The following CARMIL1 variants were observed in gnomAD, a reference collection of about 807,000 sequenced individuals.
CARMIL1 encodes capping protein regulator and myosin 1 linker 1, also known as F-actin-uncapping protein LRRC16A.
CARMIL1 carries 90 observed loss-of-function variants against 177.1 expected under a neutral mutation model. The observed-to-expected ratio is 0.51, with a 90% confidence interval of 0.43 to 0.61. The LOEUF (loss-of-function observed/expected upper bound fraction) is 0.61, where lower values mean the gene tolerates loss of function less well. CARMIL1 is among the 20% of genes least tolerant of loss of function. The pLI is 0.00. For synonymous variants in CARMIL1, 577 were observed against 606.2 expected, an observed-to-expected ratio of 0.95 and a Z score of 0.71; for missense variants, 1,380 against 1,667.0, an observed-to-expected ratio of 0.83 and a Z score of 3.00.
chr6:25,288,642 G>A (rs1781707606), intron 2 of CARMIL1, among the ~76,000 whole-genome samples: 1 of 152,160 alleles, frequency 6.6e-6, no homozygotes, highest in South Asian at 2.1e-4. Flanking sequence ...GGAACAAAGG[G>A]GTCCTGCATT....
intron 2 of CARMIL1, among the ~76,000 whole-genome samples, chr6:25,285,631 T>TATTTTG (rs1432801228): frequency 1.3e-5 from 2 of 150,794 alleles, no homozygotes; most frequent in Non-Finnish European, 2.9e-5. Context: ...GTGGAAAGAA[T>TATTTTG]ATTTTGATGG....
Position 25,455,321 on chromosome 6 carries a change from G to A in CARMIL1, c.614+4610G>A, listed in dbSNP as rs6910559. On this transcript the variant is annotated intron_variant, in intron 8 of 36. Coordinates refer to ENST00000329474, the MANE Select transcript of CARMIL1 (RefSeq NM_017640.6). ...TTATTTTTTCATTCCACTTTTTCTC[G>A]CCGTTATATTTAGTCTTCATACTTA... Among the ~76,000 whole-genome samples, 934 of 151,906 alleles carry A rather than the reference G, an allele frequency of 6.1e-3. 15 individuals are homozygous for A. The highest frequency in any genetic ancestry group is 0.021 in the African/African-American group (874 of 41,388).
In CARMIL1 at chr6:25,554,579, TAAA is replaced by T. The variant is rs571237418; in HGVS notation, c.2592+491_2592+493del. Among the ~76,000 whole-genome samples, 1 of 150,704 alleles carries T rather than the reference TAAA, an allele frequency of 6.6e-6. No individual in the cohort carries two copies. The highest frequency in any genetic ancestry group is 1.5e-5 in the Non-Finnish European group (1 of 67,600). On this transcript the variant is annotated intron_variant, in intron 28 of 36. Coordinates refer to ENST00000329474, the MANE Select transcript of CARMIL1 (RefSeq NM_017640.6). This position sits in a 1 kb window ranked among gnomAD's most constrained non-coding sequence, Gnocchi z 4.6. ...ACAGGTGCCTTGGATATAACCAAGG[TAAA>T]AAAAAAATTTCTTCATCTAGAGACT...
intron 24 of CARMIL1, among the ~76,000 whole-genome samples, chr6:25,533,402 T>G (rs1032357400): frequency 6.6e-6 from 1 of 152,218 alleles, no homozygotes; most frequent in African/African-American, 2.4e-5. Context: ...CTCACCTCTT[T>G]AAGCCTCAGT....
rs199799675 is a variant in CARMIL1 at position 25,422,201 on chromosome 6, C to G, written c.189+2037C>G. Among the ~76,000 whole-genome samples the G allele has an allele frequency of 2.1e-4, 32 of 152,224 alleles. No homozygotes were observed. The East Asian group carries it at 6.0e-3, about 29-fold the overall frequency. ...GCATATCCAGGAAAATGGGTAAGGT[C>G]TGGTAGATGCTTTCAGCCTTATCGT... On this transcript the variant is annotated intron_variant, in intron 3 of 36. Transcript: ENST00000329474.
intron 2 of CARMIL1, among the ~76,000 whole-genome samples, chr6:25,409,792 C>T (rs1794747531): frequency 6.6e-6 from 1 of 152,108 alleles, no homozygotes; most frequent in Non-Finnish European, 1.5e-5. Flanking sequence ...TGAAATAATG[C>T]TCATGTTTTC....
chr6:25,499,010 G>T (rs1287545978), intron 16 of CARMIL1, among the ~76,000 whole-genome samples: 2 of 152,158 alleles, frequency 1.3e-5, no homozygotes, highest in Non-Finnish European at 2.9e-5. Flanking sequence ...TCAGGGAGTG[G>T]GAGGAGGGGG....
chr6:25,289,218 C>T (rs763964945), intron 2 of CARMIL1, among the ~76,000 whole-genome samples: 2 of 152,102 alleles, frequency 1.3e-5, no homozygotes, highest in Non-Finnish European at 2.9e-5. Flanking sequence ...CTTGACATGT[C>T]ATATGTTGTT....
chr6:25,332,764 C>T (rs1188646067), intron 2 of CARMIL1, among the ~76,000 whole-genome samples: 1 of 145,996 alleles, frequency 6.8e-6, no homozygotes, highest in Non-Finnish European at 1.5e-5. Context: ...CACACACACA[C>T]ACACACACGC....
At chr6:25,596,627 T>C (rs1036269928) in intron 32 of CARMIL1, among the ~76,000 whole-genome samples, 7 of 152,190 alleles carry the variant, frequency 4.6e-5, no homozygotes, top group Admixed American at 1.3e-4. Flanking sequence ...AGACTGAGTG[T>C]CTCTTATCTG....
chr6:25,514,265 G>A (rs1805738037), intron 20 of CARMIL1, among the ~76,000 whole-genome samples: 2 of 152,136 alleles, frequency 1.3e-5, no homozygotes, highest in South Asian at 4.1e-4. Flanking sequence ...CGTCACACAA[G>A]GCCTGGTGCG....
Position 25,281,133 on chromosome 6 carries a change from C to CGTGTGT in CARMIL1, c.40+1299_40+1300insTGTGTG, listed in dbSNP as rs749051159. Among the ~76,000 whole-genome samples the CGTGTGT allele has an allele frequency of 9.6e-3, 1,032 of 107,890 alleles. 33 individuals are homozygous for CGTGTGT. The highest frequency in any genetic ancestry group is 0.089 in the East Asian group (374 of 4,198). The allele number at this position is 107,890 out of a possible 152,430, so 70.8% of individuals were successfully genotyped here. A position where few individuals can be genotyped will look rare whatever the true frequency, so the allele number is the denominator to read the frequency against. ...TCACAGACGCACGCGCGTGTGCGCGCGCGCACACACACACACACACACACA... is the reference window on the plus strand; with the variant it reads ...TCACAGACGCACGCGCGTGTGCGCGCGTGTGTGCGCACACACACACACACACACACA... On this transcript the variant is annotated intron_variant, in intron 1 of 36. Transcript: ENST00000329474.
intron 9 of CARMIL1, among the ~76,000 whole-genome samples, chr6:25,470,729 C>A (rs887909062): frequency 6.6e-6 from 1 of 152,132 alleles, no homozygotes; most frequent in Non-Finnish European, 1.5e-5. Flanking sequence ...TGCCTTTTAG[C>A]TGTGTCTTTA....
chr6:25,579,674 A>T (rs1812950687), intron 29 of CARMIL1, among the ~76,000 whole-genome samples: 1 of 152,232 alleles, frequency 6.6e-6, no homozygotes, highest in African/African-American at 2.4e-5. Context: ...CAAAACCTTG[A>T]AAAAAGCCAA....
At chr6:25,321,007 A>G (rs950556199) in intron 2 of CARMIL1, among the ~76,000 whole-genome samples, 102 of 152,308 alleles carry the variant, frequency 6.7e-4, no homozygotes, top group African/African-American at 2.2e-3. Context: ...CATGAATTGG[A>G]CAAGCTTTAT....
intron 31 of CARMIL1, among the ~76,000 whole-genome samples, chr6:25,582,774 T>C (rs770141879): frequency 2.0e-5 from 3 of 152,224 alleles, no homozygotes; most frequent in Non-Finnish European, 4.4e-5. Context: ...TACTTCTCTG[T>C]CCACACAGTA....
At chr6:25,459,270 T>TTTCTTTCTTTCTTTCTTTTCTTTCTTTCC in intron 8 of CARMIL1, among the ~76,000 whole-genome samples, 1 of 21,216 alleles carries the variant, frequency 4.7e-5, no homozygotes, top group Non-Finnish European at 1.1e-4. Context: ...TTCTTTCTTT[T>TTTCTTTCTTTCTTTCTTTTCTTTCTTTCC]TTTTTTTTTT....
intron 17 of CARMIL1, among the ~76,000 whole-genome samples, chr6:25,501,321 T>G (rs148604940): frequency 5.9e-4 from 90 of 152,130 alleles, no homozygotes; most frequent in African/African-American, 2.1e-3. Flanking sequence ...AGACCCTCCC[T>G]CTCTTTGAGG....
intron 11 of CARMIL1, among the ~76,000 whole-genome samples, chr6:25,479,724 G>GT (rs1489812197): frequency 6.8e-6 from 1 of 146,744 alleles, no homozygotes; most frequent in Non-Finnish European, 1.5e-5. Context: ...TTAATTTGCT[G>GT]TTTTTTGAGC....
Sources: gnomAD v4.1 joint callset for allele counts (sites outside exome capture counted in the v4.1 genomes callset) on GRCh38, gnomAD v4.1.1 for gene constraint, Gnocchi (gnomAD v3.1) non-coding constraint, MANE v1.5 for transcripts, NCBI Gene and HGNC (gene_info 2026-07-23, HGNC 2026-07-21) for gene names.